The following NFASC variants were observed in gnomAD, a reference collection of about 807,000 sequenced individuals.
NFASC encodes neurofascin, also known as neurofascin homolog.
NFASC carries 43 observed loss-of-function variants against 147.5 expected under a neutral mutation model. The ratio of observed to expected loss-of-function variants is 0.29; its 90% CI spans 0.23 to 0.38. The LOEUF is 0.38. NFASC is among the 10% of genes least tolerant of loss of function. The pLI, the probability that NFASC is intolerant of heterozygous loss-of-function variation, is 1.00. For synonymous variants in NFASC, 622 were observed against 665.5 expected, an observed-to-expected ratio of 0.93 and a Z score of 1.01; for missense variants, 1,320 against 1,689.0, an observed-to-expected ratio of 0.78 and a Z score of 3.83.
chr1:204,991,931 C>A (rs1009871650), intron 24 of NFASC, among the ~76,000 whole-genome samples: 18 of 152,204 alleles, frequency 1.2e-4, no homozygotes, highest in African/African-American at 4.3e-4. Flanking sequence ...CCTCACCCTT[C>A]AGAAACCCAG....
Position 205,017,252 on chromosome 1 carries a change from CTGGT to C in NFASC, c.*715_*718del. 6.2e-6 allele frequency: 1 copy of C among 160,710 alleles called. No homozygotes were observed. The highest frequency in any genetic ancestry group is 5.7e-5 in the Admixed American group (1 of 17,410). 10.0% of individuals were successfully genotyped at this position (160,710 alleles called of 1,614,324 possible). Reference sequence around the variant, plus strand: ...GGTGCGCAGGCCTCCTTGCTGCTCTCTGGTTTGGTTGGGAGGTGTGTTTACCTCT... The same window carrying C: ...GGTGCGCAGGCCTCCTTGCTGCTCTCTTGGTTGGGAGGTGTGTTTACCTCT... On this transcript the variant is annotated 3_prime_UTR_variant, in exon 30 of 30. Coordinates refer to ENST00000339876, the MANE Select transcript of NFASC (RefSeq NM_001005388.3).
chr1:204,883,923 G>T (rs2080815431), intron 1 of NFASC, among the ~76,000 whole-genome samples: 1 of 152,212 alleles, frequency 6.6e-6, no homozygotes, highest in South Asian at 2.1e-4. Flanking sequence ...CTGACACCTA[G>T]CGTGGTGCTC....
chr1:204,923,718 T>C (rs2149475879), intron 2 of NFASC, among the ~76,000 whole-genome samples: 1 of 151,852 alleles, frequency 6.6e-6, no homozygotes, highest in Non-Finnish European at 1.5e-5. Context: ...TTCAGGCCCC[T>C]GAGGCAGGCA....
At chr1:204,901,538 CT>C (rs567574873) in intron 1 of NFASC, among the ~76,000 whole-genome samples, 122 of 152,168 alleles carry the variant, frequency 8.0e-4, no homozygotes, top group African/African-American at 2.8e-3. Context: ...CATGGATGAC[CT>C]TGACAAAATT....
chr1:204,974,861 G>T lies in NFASC; in HGVS notation c.1558+38G>T. ...GTTCGCCAGTGGGAGTTTGGAGAGG[G>T]ACAAGGAGGCCATGCTGGCAGTTAT... On this transcript the variant is annotated intron_variant, in intron 14 of 29. Coordinates refer to ENST00000339876, the MANE Select transcript of NFASC (RefSeq NM_001005388.3). The T allele has an allele frequency of 1.3e-6, 2 of 1,590,262 alleles. 1 individual carries two copies. Among genetic ancestry groups the T allele is most frequent in the Non-Finnish European group, 1.7e-6 (2 of 1,158,612 alleles).
chr1:204,931,623 C>T (rs949560265), intron 2 of NFASC, among the ~76,000 whole-genome samples: 1 of 152,216 alleles, frequency 6.6e-6, no homozygotes, highest in Non-Finnish European at 1.5e-5. Flanking sequence ...TCCCTAGGCA[C>T]TAACTCATGT....
chr1:204,951,544 CT>C (rs1291140897), intron 4 of NFASC, among the ~76,000 whole-genome samples: 1 of 149,524 alleles, frequency 6.7e-6, no homozygotes. Context: ...TCTCGGCTCA[CT>C]GCAAGCTCCG....
intron 16 of NFASC, 61 bp downstream of exon 16, chr1:204,976,856 A>T (rs765079938): frequency 6.3e-7 from 1 of 1,580,530 alleles, no homozygotes; most frequent in Non-Finnish European, 8.6e-7. Context: ...CAGCCAGAGA[A>T]GCAGTGGCCC....
intron 1 of NFASC, among the ~76,000 whole-genome samples, chr1:204,909,619 G>A (rs1046417757): frequency 2.6e-5 from 4 of 152,136 alleles, no homozygotes; most frequent in Admixed American, 6.5e-5. Context: ...TACTTTTGGT[G>A]TCAGATCTAA....
intron 3 of NFASC, chr1:204,946,495 C>T (rs966154314): frequency 3.2e-5 from 13 of 410,374 alleles, no homozygotes; most frequent in Non-Finnish European, 6.1e-5. Context: ...ACACACATGG[C>T]ACCTCCCCGG....
intron 2 of NFASC, among the ~76,000 whole-genome samples, chr1:204,938,991 A>G (rs2093119746): frequency 6.6e-6 from 1 of 150,406 alleles, no homozygotes; most frequent in Non-Finnish European, 1.5e-5. Context: ...ATGGCAGAAC[A>G]TGTCACCTTC....
chr1:204,844,609 G>A (rs1406828376), intron 1 of NFASC, among the ~76,000 whole-genome samples: 2 of 152,146 alleles, frequency 1.3e-5, no homozygotes, highest in Admixed American at 6.5e-5. Context: ...GGCTGGGCGC[G>A]GTGGCTCATG....
intron 1 of NFASC, among the ~76,000 whole-genome samples, chr1:204,885,083 C>G (rs1181532639): frequency 1.3e-5 from 2 of 151,668 alleles, no homozygotes; most frequent in East Asian, 3.9e-4. Context: ...CACTTGAGGC[C>G]AAGAGTTTGG....
At chr1:204,915,866 C>T (rs1036398295) in intron 1 of NFASC, among the ~76,000 whole-genome samples, 1 of 152,138 alleles carries the variant, frequency 6.6e-6, no homozygotes. Flanking sequence ...GAGGGAAGGA[C>T]AGTCTGAGAA....
intron 1 of NFASC, among the ~76,000 whole-genome samples, chr1:204,831,035 G>A (rs986439013): frequency 3.3e-5 from 5 of 151,964 alleles, no homozygotes; most frequent in South Asian, 2.1e-4. Context: ...AGCTTTCCCT[G>A]GCATCAGTGC....
intron 1 of NFASC, among the ~76,000 whole-genome samples, chr1:204,852,193 G>A (rs1031967171): frequency 3.9e-5 from 6 of 152,278 alleles, no homozygotes; most frequent in South Asian, 4.1e-4. Flanking sequence ...CATTAGAGCT[G>A]CCCCCAAATA....
intron 3 of NFASC, chr1:204,946,234 A>AAG (rs2093718795): frequency 2.2e-6 from 1 of 445,346 alleles, no homozygotes; most frequent in Non-Finnish European, 4.7e-6. Context: ...CAAAAAAGAA[A>AAG]CCACTGGAAT....
intron 1 of NFASC, among the ~76,000 whole-genome samples, chr1:204,864,531 ATTTTTCATTT>A (rs1195046033): frequency 6.6e-6 from 1 of 152,162 alleles, no homozygotes; most frequent in Admixed American, 6.5e-5. Context: ...AACACTTGTT[ATTTTTCATTT>A]TATTGATTAT....
intron 1 of NFASC, among the ~76,000 whole-genome samples, chr1:204,845,874 G>T (rs1031086029): frequency 6.6e-6 from 1 of 151,886 alleles, no homozygotes; most frequent in Non-Finnish European, 1.5e-5. Context: ...TGCACACCGC[G>T]TGTGTGGTAG....
Sources: gnomAD v4.1 joint callset for allele counts (sites outside exome capture counted in the v4.1 genomes callset) on GRCh38, gnomAD v4.1.1 for gene constraint, MANE v1.5 for transcripts, NCBI Gene and HGNC (gene_info 2026-07-23, HGNC 2026-07-21) for gene names.